The following KDM4C variants were observed in gnomAD, a reference collection of about 807,000 sequenced individuals.
KDM4C encodes lysine demethylase 4C.
In KDM4C, 81 loss-of-function variants were observed where a neutral mutation model predicts 129.3. That is an observed-to-expected ratio of 0.63 (90% CI 0.52 to 0.75). The LOEUF is 0.75. Ranked by LOEUF, KDM4C falls within the 30% of genes least tolerant of loss-of-function variation. KDM4C has a pLI of 0.00. For synonymous variants in KDM4C, 573 were observed against 456.1 expected, an observed-to-expected ratio of 1.26 and a Z score of -3.26; for missense variants, 1,457 against 1,304.0, an observed-to-expected ratio of 1.12 and a Z score of -1.81.
rs1244547396 is a variant in KDM4C at position 6,790,373 on chromosome 9, T to G, written c.-17-2599T>G. Among the ~76,000 whole-genome samples, 5 of 151,108 alleles carry G rather than the reference T, an allele frequency of 3.3e-5. No homozygotes were observed. In the East Asian group the frequency reaches 7.8e-4, roughly 24 times the overall value. ...CATTCTCCTGCCTCAGCCTCCTGAG[T>G]AACTTGGACTACAGGTGCCTGCCAC... On this transcript the variant is annotated intron_variant, in intron 1 of 21. Coordinates refer to ENST00000381309, the MANE Select transcript of KDM4C (RefSeq NM_015061.6).
chr9:6,845,455 T>G (rs1837686904), intron 4 of KDM4C, among the ~76,000 whole-genome samples: 1 of 152,178 alleles, frequency 6.6e-6, no homozygotes, highest in South Asian at 2.1e-4. Flanking sequence ...CCTCAAGTGA[T>G]TCTCCTTCCT....
At chr9:6,988,005 TA>T (rs954157994) in intron 11 of KDM4C, among the ~76,000 whole-genome samples, 3 of 148,096 alleles carry the variant, frequency 2.0e-5, no homozygotes, top group African/African-American at 7.4e-5. Context: ...AAAAAAAAAA[TA>T]AAAAAAAATT....
intron 19 of KDM4C, among the ~76,000 whole-genome samples, chr9:7,153,273 G>T (rs537235752): frequency 6.6e-6 from 1 of 152,208 alleles, no homozygotes; most frequent in East Asian, 1.9e-4. Context: ...TGCATTCTTT[G>T]CTAATCTCTA....
intron 18 of KDM4C, among the ~76,000 whole-genome samples, chr9:7,115,895 G>C (rs7872504): frequency 0.45 from 68,216 of 152,004 alleles, 15,633 homozygotes; most frequent in East Asian, 0.74. Context: ...AAGTCAATAC[G>C]TCTTTTCTTT....
chr9:6,856,594 G>T (rs909315038), intron 5 of KDM4C, among the ~76,000 whole-genome samples: 7 of 140,934 alleles, frequency 5.0e-5, no homozygotes, highest in Non-Finnish European at 1.1e-4. Context: ...TTTTTTTTGA[G>T]ACAGAGTCTC....
intron 2 of KDM4C, among the ~76,000 whole-genome samples, chr9:6,801,532 C>T (rs999171446): frequency 2.0e-5 from 3 of 151,278 alleles, no homozygotes; most frequent in African/African-American, 7.3e-5. Context: ...CTACCGTGCC[C>T]AGCCTGACCT....
intron 19 of KDM4C, among the ~76,000 whole-genome samples, chr9:7,145,770 G>T (rs552345139): frequency 1.3e-5 from 2 of 152,370 alleles, no homozygotes; most frequent in South Asian, 4.1e-4. Flanking sequence ...TAACATGTTT[G>T]TGGAGAGGTC....
chr9:7,007,584 T>G (rs1197059920), intron 12 of KDM4C, among the ~76,000 whole-genome samples: 1 of 152,210 alleles, frequency 6.6e-6, no homozygotes, highest in African/African-American at 2.4e-5. Flanking sequence ...CAGGTGTTTT[T>G]AAGACCTGTA....
chr9:6,835,500 C>CACCT, intron 4 of KDM4C: 1 of 1,509,978 alleles, frequency 6.6e-7, no homozygotes, highest in South Asian at 1.1e-5. Flanking sequence ...CCTCGCTGTC[C>CACCT]ACCTTCCAGC....
At chr9:6,892,668 C>T (rs2130892869) in intron 7 of KDM4C, among the ~76,000 whole-genome samples, 1 of 152,208 alleles carries the variant, frequency 6.6e-6, no homozygotes, top group East Asian at 1.9e-4. Context: ...TATAGCCTGC[C>T]AAGCATGTAT....
Position 6,980,823 on chromosome 9 carries a change from T to G in KDM4C, c.922-102T>G, listed in dbSNP as rs1816642972. On this transcript the variant is annotated intron_variant, in intron 8 of 21. Coordinates refer to ENST00000381309, the MANE Select transcript of KDM4C (RefSeq NM_015061.6). ...TAATGTAATGCATTATCCTCCATTA[T>G]GTAGTGACTAAGTATTCATGGATGA... 6.3e-6 allele frequency: 6 copies of G among 953,546 alleles called. No homozygotes were observed. In the East Asian group the frequency reaches 1.2e-4, roughly 20 times the overall value. 59.1% of individuals were successfully genotyped at this position (953,546 alleles called of 1,614,324 possible). A position where few individuals can be genotyped will look rare whatever the true frequency, so the allele number is the denominator to read the frequency against.
At chr9:7,008,788 C>T (rs1563974513) in intron 12 of KDM4C, among the ~76,000 whole-genome samples, 1 of 152,232 alleles carries the variant, frequency 6.6e-6, no homozygotes, top group Non-Finnish European at 1.5e-5. Flanking sequence ...GGCCAGCTCA[C>T]ATACTGACGC....
intron 4 of KDM4C, among the ~76,000 whole-genome samples, chr9:6,817,395 G>T (rs987477532): frequency 1.3e-5 from 2 of 151,918 alleles, no homozygotes; most frequent in Non-Finnish European, 2.9e-5. Context: ...TGTAAAGACA[G>T]GGTCTTCCTA....
chr9:6,743,550 C>G (rs894884699), intron 1 of KDM4C, among the ~76,000 whole-genome samples: 3 of 151,710 alleles, frequency 2.0e-5, no homozygotes, highest in Admixed American at 6.6e-5. Context: ...CTCTGTCACC[C>G]AGGCTGGAGT....
At chr9:7,064,428 C>CA (rs1302562831) in intron 17 of KDM4C, among the ~76,000 whole-genome samples, 3 of 152,128 alleles carry the variant, frequency 2.0e-5, no homozygotes, top group African/African-American at 7.2e-5. Flanking sequence ...ATGTTGGCAG[C>CA]AAGGTCAGTT....
intron 4 of KDM4C, among the ~76,000 whole-genome samples, chr9:6,840,588 G>A (rs1246288982): frequency 1.3e-5 from 2 of 151,964 alleles, no homozygotes; most frequent in African/African-American, 4.8e-5. Context: ...GTAGAGGCGG[G>A]GTTTCACCAT....
At chr9:6,919,618 CAGGCTGGA>C (rs1821102903) in intron 8 of KDM4C, among the ~76,000 whole-genome samples, 1 of 151,138 alleles carries the variant, frequency 6.6e-6, no homozygotes, top group African/African-American at 2.4e-5. Context: ...TCTTGTTGCC[CAGGCTGGA>C]GTGCAATGGC....
intron 5 of KDM4C, among the ~76,000 whole-genome samples, chr9:6,875,281 T>C (rs1588873116): frequency 1.3e-5 from 2 of 152,094 alleles, no homozygotes; most frequent in African/African-American, 4.8e-5. Context: ...GGAGCTGAGA[T>C]AGGATAGTAG....
At chr9:6,847,778 A>C (rs1838120326) in intron 4 of KDM4C, among the ~76,000 whole-genome samples, 1 of 152,190 alleles carries the variant, frequency 6.6e-6, no homozygotes, top group Non-Finnish European at 1.5e-5. Context: ...TGGCTACTTA[A>C]GAGAATTTGG....
Sources: allele counts gnomAD v4.1 joint callset (sites outside exome capture counted in the v4.1 genomes callset), GRCh38; gene constraint gnomAD v4.1.1; transcripts MANE v1.5; gene names NCBI Gene and HGNC (gene_info 2026-07-23, HGNC 2026-07-21).